MAP6D1: variants seen among roughly 807,000 people sequenced by gnomAD.
MAP6D1 encodes the protein MAP6 domain containing 1.
In MAP6D1, 13 loss-of-function variants were observed where a neutral mutation model predicts 17.4. The ratio of observed to expected loss-of-function variants is 0.75; its 90% confidence interval spans 0.49 to 1.19. The LOEUF is 1.19. Ranked by LOEUF, MAP6D1 falls within the 50% of genes most tolerant of loss-of-function variation. The probability of loss-of-function intolerance (pLI) is 0.00; values close to 1 mark genes in which losing one functional copy is unlikely to be tolerated. For synonymous variants in MAP6D1, 141 were observed against 145.7 expected (o/e 0.97, Z 0.23); for missense variants, 313 against 312.6 (o/e 1.00, Z -0.01).
intron 1 of MAP6D1, among the ~76,000 whole-genome samples, chr3:183,824,794 C>T (rs1238651065): frequency 6.6e-6 from 1 of 152,252 alleles, no homozygotes; most frequent in African/African-American, 2.4e-5. Flanking sequence ...CTGCGCGCAC[C>T]CCTCGCACGG....
chr3:183,823,229 A>C (rs1268680411), intron 1 of MAP6D1, among the ~76,000 whole-genome samples: 1 of 152,074 alleles, frequency 6.6e-6, no homozygotes, highest in African/African-American at 2.4e-5. Context: ...CCTGGGCTCA[A>C]GTGATCCTCC....
chr3:183,823,616 CAAAAAT>C (rs371704551), intron 1 of MAP6D1, among the ~76,000 whole-genome samples: 21 of 150,944 alleles, frequency 1.4e-4, no homozygotes, highest in East Asian at 5.9e-4. Flanking sequence ...AGAAAAAAAT[CAAAAAT>C]AAAAATAAAA....
intron 1 of MAP6D1, 115 bp downstream of exon 1, chr3:183,825,032 G>A (rs926359975): frequency 2.9e-5 from 33 of 1,131,264 alleles, no homozygotes; most frequent in Middle Eastern, 3.0e-4. Flanking sequence ...AGGTCGCGTG[G>A]GATCCGGGCT....
At chr3:183,818,350 AAATCT>A (rs1450182710) in intron 1 of MAP6D1, among the ~76,000 whole-genome samples, 4 of 152,168 alleles carry the variant, frequency 2.6e-5, no homozygotes, top group Non-Finnish European at 5.9e-5. Flanking sequence ...ATCCACTGGG[AAATCT>A]GGGCTCACCC....
intron 1 of MAP6D1, among the ~76,000 whole-genome samples, chr3:183,822,688 G>C (rs1727288076): frequency 6.6e-6 from 1 of 152,208 alleles, no homozygotes; most frequent in African/African-American, 2.4e-5. Context: ...TGCATTCACT[G>C]ACACGTCCTC....
chr3:183,825,371 A>G lies in MAP6D1; in HGVS notation c.177T>C (p.Asp59=). 1 of 1,441,624 alleles carries G rather than the reference A, an allele frequency of 6.9e-7. No individual in the cohort carries two copies. Among genetic ancestry groups the G allele is most frequent in the South Asian group, 1.4e-5 (1 of 71,874 alleles). 89.3% of individuals were successfully genotyped at this position (1,441,624 alleles called of 1,614,324 possible). ...RRGQPPAGAR[D]SGRDVPLTQY... ...GAGTGAGCGGCACGTCCCGGCCGGAATCCCGGGCGCCCGCGGGAGGCTGGC... is the reference window on the plus strand; with the variant it reads ...GAGTGAGCGGCACGTCCCGGCCGGAGTCCCGGGCGCCCGCGGGAGGCTGGC... Residue 59 remains aspartate, a synonymous_variant, in exon 1 of 3, where the codon GAT becomes GAC. Coordinates refer to ENST00000318631, the MANE Select transcript of MAP6D1 (RefSeq NM_024871.4).
intron 1 of MAP6D1, among the ~76,000 whole-genome samples, chr3:183,823,891 G>A (rs1727313450): frequency 6.6e-6 from 1 of 152,212 alleles, no homozygotes; most frequent in Non-Finnish European, 1.5e-5. Flanking sequence ...ACCCCTGGCA[G>A]TCCCTATCAA....
intron 1 of MAP6D1, among the ~76,000 whole-genome samples, chr3:183,824,770 C>G (rs80293073): frequency 0.086 from 13,076 of 152,312 alleles, 763 homozygotes; most frequent in Middle Eastern, 0.17. Flanking sequence ...CCGGAGAGAG[C>G]TGGGGGACAT....
chr3:183,817,372 C>G lies in MAP6D1; in HGVS notation c.584G>C (p.Arg195Pro), dbSNP rs778312659. The G allele has an allele frequency of 1.0e-5, 16 of 1,568,822 alleles. No individual in the cohort carries two copies. The East Asian group carries it at 3.3e-4, about 32-fold the overall frequency. ...TGCAGGCAGTCACACGTTGAGAATC[C>G]GGGGAGCTGAGGCCTGAAAGATGGC... ...PSAIFQASAP[R>P]ILNV The change falls in exon 3 of 3, where the codon CGG becomes CCG. Residue 195 changes from arginine to proline, a missense_variant. Physicochemically the swap from Arg to Pro is moderately radical, Grantham distance 103 (BLOSUM62 -2). Coordinates refer to ENST00000318631, the MANE Select transcript of MAP6D1 (RefSeq NM_024871.4).
intron 1 of MAP6D1, 92 bp from the exon 2 acceptor site, chr3:183,818,203 C>A: frequency 1.0e-6 from 1 of 1,002,568 alleles, no homozygotes; most frequent in East Asian, 2.4e-5. Context: ...ATGCACGGCC[C>A]TGCCAATTGC....
In MAP6D1 at chr3:183,825,384, G is replaced by A. The variant is rs1177738658; in HGVS notation, c.164C>T (p.Ala55Val). ...GAASRRGQPP[A>V]GARDSGRDVP... ...GTCCCGGCCGGAATCCCGGGCGCCCGCGGGAGGCTGGCCCCTGCGCGAGGC... is the reference window on the plus strand; with the variant it reads ...GTCCCGGCCGGAATCCCGGGCGCCCACGGGAGGCTGGCCCCTGCGCGAGGC... The change falls in exon 1 of 3, where the codon GCG becomes GTG. Residue 55 changes from alanine (A) to valine (V), a missense_variant. Transcript: ENST00000318631. The A allele has an allele frequency of 6.2e-6, 9 of 1,442,886 alleles. No individual in the cohort carries two copies. Among genetic ancestry groups the A allele is most frequent in the Non-Finnish European group, 6.4e-6 (7 of 1,100,592 alleles). The allele number at this position is 1,442,886 out of a possible 1,614,324, so 89.4% of individuals were successfully genotyped here.
chr3:183,825,464 G>A lies in MAP6D1; in HGVS notation c.84C>T (p.Leu28=). 3 of 1,433,258 alleles carry A rather than the reference G, an allele frequency of 2.1e-6. No individual in the cohort carries two copies. The highest frequency in any genetic ancestry group is 2.8e-5 in the South Asian group (2 of 72,248). The allele number at this position is 1,433,258 out of a possible 1,614,324, so 88.8% of individuals were successfully genotyped here. ...QLDRSDVAVP[L]TLHGYSDLDS... is the part of the protein sequence containing the mutation. ...CGAGGTCCGAGTAGCCGTGCAGAGT[G>A]AGCGGCACCGCCACGTCGGAGCGGT... The change falls in exon 1 of 3, where the codon CTC becomes CTT. Residue 28 remains leucine (L), a synonymous_variant. Transcript: ENST00000318631.
chr3:183,819,528 C>CG, intron 1 of MAP6D1, among the ~76,000 whole-genome samples: 1 of 152,294 alleles, frequency 6.6e-6, no homozygotes, highest in South Asian at 2.1e-4. Context: ...AGGAGGAACC[C>CG]GGGGCTGGAG....
chr3:183,819,186 A>G lies in MAP6D1; in HGVS notation c.402-1075T>C, dbSNP rs534528262. The stretch of plus-strand genomic sequence containing the variant: ...TCCTTGGCAGCTGCAAAGCTGGGGC[A>G]CCACTGGGCAGGCTGCGTGGGCAGG... On this transcript the variant is annotated intron_variant, in intron 1 of 2. Coordinates refer to ENST00000318631, the MANE Select transcript of MAP6D1 (RefSeq NM_024871.4). 5.0e-3 allele frequency among the ~76,000 whole-genome samples: 761 copies of G among 152,330 alleles called. 5 individuals carry two copies. The highest frequency in any genetic ancestry group is 0.018 in the African/African-American group (728 of 41,584).
In MAP6D1 at chr3:183,825,308, G is replaced by A. The variant is rs970852507; in HGVS notation, c.240C>T (p.Ala80=). The A allele has an allele frequency of 1.4e-5, 19 of 1,344,236 alleles. No individual in the cohort carries two copies. Among genetic ancestry groups the A allele is most frequent in the Non-Finnish European group, 1.7e-5 (18 of 1,049,786 alleles). 83.3% of individuals were successfully genotyped at this position (1,344,236 alleles called of 1,614,324 possible). The change falls in exon 1 of 3, where the codon GCC becomes GCT. Residue 80 remains alanine, a synonymous_variant. Transcript: ENST00000318631. ...GCCCCGGCGGCGGATCCTTGGGCCC[G>A]GCGGGCGTGGTCCACAAGCCGAAGT... The part of the protein sequence containing the change: ...QRDFGLWTTP[A]GPKDPPPGRG...
rs1577254408 is a variant in MAP6D1 at position 183,825,532 on chromosome 3, T to C, written c.16A>G (p.Ile6Val). Residue 6 changes from isoleucine to valine, a missense_variant, in exon 1 of 3, where the codon ATC becomes GTC. Physicochemically the swap from Ile to Val is conservative, Grantham distance 29 (BLOSUM62 3). Transcript: ENST00000318631. ...CGCGCCAGGCAGCACAGGCGGCTGA[T>C]ACAGGGCCACGCCATGCCAGCCCCG... MAWPC[I>V]SRLCCLARRW... The C allele has an allele frequency of 4.4e-6, 6 of 1,355,910 alleles. No individual in the cohort carries two copies. Among genetic ancestry groups the C allele is most frequent in the Non-Finnish European group, 4.7e-6 (5 of 1,054,220 alleles). The allele number at this position is 1,355,910 out of a possible 1,614,324, so 84.0% of individuals were successfully genotyped here.
intron 1 of MAP6D1, among the ~76,000 whole-genome samples, chr3:183,823,968 A>G (rs1280546630): frequency 6.6e-6 from 1 of 152,228 alleles, no homozygotes; most frequent in Non-Finnish European, 1.5e-5. Context: ...ATTTGAGCAT[A>G]TGTGTGTATA....
At chr3:183,819,882 T>C (rs961929729) in intron 1 of MAP6D1, among the ~76,000 whole-genome samples, 3 of 151,724 alleles carry the variant, frequency 2.0e-5, no homozygotes, top group Admixed American at 6.5e-5. Flanking sequence ...GGAACTTGAA[T>C]ATCAGCCCTT....
intron 1 of MAP6D1, among the ~76,000 whole-genome samples, chr3:183,824,710 G>A (rs1486081550): frequency 6.6e-6 from 1 of 152,204 alleles, no homozygotes; most frequent in Non-Finnish European, 1.5e-5. Flanking sequence ...TCACCCACAC[G>A]GGACCCTGCG....
Sources: allele counts gnomAD v4.1 joint callset (sites outside exome capture counted in the v4.1 genomes callset), GRCh38; gene constraint gnomAD v4.1.1; transcripts MANE v1.5; gene names NCBI Gene and HGNC (gene_info 2026-07-23, HGNC 2026-07-21).